The following ZNG1E variants were observed in gnomAD, a reference collection of about 807,000 sequenced individuals.
ZNG1E encodes the protein zinc-regulated GTPase metalloprotein activator 1E.
chr9:65,666,239 G>A, the ZNG1E span, among the ~76,000 whole-genome samples: 11,009 of 149,400 alleles, frequency 0.074, 18 homozygotes, highest in African/African-American at 0.092. Context: ...GGAGGGACCC[G>A]GTGGGAGGTA....
the ZNG1E span, among the ~76,000 whole-genome samples, chr9:65,700,009 G>T: frequency 6.6e-6 from 1 of 151,042 alleles, no homozygotes. Context: ...TTGCAAATGG[G>T]TAATGTGAAA....
chr9:65,689,451 A>AG, the ZNG1E span, among the ~76,000 whole-genome samples: 1 of 134,214 alleles, frequency 7.5e-6, no homozygotes, highest in East Asian at 2.0e-4. Context: ...TTCCCTGGGG[A>AG]GAAAAGCACC....
the ZNG1E span, among the ~76,000 whole-genome samples, chr9:65,661,803 T>G: frequency 2.0e-5 from 3 of 152,332 alleles, no homozygotes; most frequent in African/African-American, 7.2e-5. Context: ...TTTGGGATGG[T>G]GAAAGTGTTC....
the ZNG1E span, among the ~76,000 whole-genome samples, chr9:65,667,007 G>C: frequency 1.3e-5 from 2 of 152,070 alleles, no homozygotes; most frequent in South Asian, 4.1e-4. Flanking sequence ...TATTAGTAGG[G>C]ACACGGTTTC....
At chr9:65,684,550 GCA>G in the ZNG1E span, among the ~76,000 whole-genome samples, 19 of 132,770 alleles carry the variant, frequency 1.4e-4, no homozygotes, top group East Asian at 4.7e-4. Flanking sequence ...ACACACGCAC[GCA>G]CACACACACA....
chr9:65,715,155 A>C, the ZNG1E span, among the ~76,000 whole-genome samples: 3 of 148,460 alleles, frequency 2.0e-5, no homozygotes, highest in Non-Finnish European at 4.4e-5. Flanking sequence ...GGAGTGACCC[A>C]ATCTTCCAGG....
the ZNG1E span, among the ~76,000 whole-genome samples, chr9:65,661,891 G>A: frequency 6.6e-6 from 1 of 152,274 alleles, no homozygotes; most frequent in Non-Finnish European, 1.5e-5. Flanking sequence ...TTAAATGAGT[G>A]GCTAAGTTGT....
At chr9:65,688,002 C>T in the ZNG1E span, among the ~76,000 whole-genome samples, 4 of 151,090 alleles carry the variant, frequency 2.6e-5, no homozygotes, top group Non-Finnish European at 2.9e-5. Flanking sequence ...CTTCATGACA[C>T]CAGTTTTTTT....
At chr9:65,703,617 G>A in the ZNG1E span, 2 of 627,002 alleles carry the variant, frequency 3.2e-6, no homozygotes, top group Non-Finnish European at 3.7e-6. Context: ...TTTTTTTTGT[G>A]GTGAGAAAGG....
the ZNG1E span, among the ~76,000 whole-genome samples, chr9:65,727,422 A>G: frequency 2.2e-4 from 30 of 138,690 alleles, 2 homozygotes; most frequent in Non-Finnish European, 4.0e-4. Flanking sequence ...TTGAATATAA[A>G]TGGCCTAAAT....
chr9:65,686,857 TCAGC>T, the ZNG1E span, among the ~76,000 whole-genome samples: 2 of 152,270 alleles, frequency 1.3e-5, no homozygotes, highest in Non-Finnish European at 2.9e-5. Context: ...CTCACCTCTC[TCAGC>T]CTTCACAGAA....
the ZNG1E span, among the ~76,000 whole-genome samples, chr9:65,673,782 G>T: frequency 6.6e-6 from 1 of 152,298 alleles, no homozygotes; most frequent in South Asian, 2.1e-4. Flanking sequence ...TCCCTGCTGG[G>T]CGACAGAGTG....
At chr9:65,727,158 C>A in the ZNG1E span, among the ~76,000 whole-genome samples, 9 of 136,418 alleles carry the variant, frequency 6.6e-5, 1 homozygote, top group East Asian at 1.8e-3. Flanking sequence ...TATATGAAGG[C>A]AAGATACAGC....
the ZNG1E span, among the ~76,000 whole-genome samples, chr9:65,686,887 G>A: frequency 6.6e-6 from 1 of 152,366 alleles, no homozygotes; most frequent in Non-Finnish European, 1.5e-5. Flanking sequence ...GAGAGTTAGG[G>A]TTGCTCTGAA....
chr9:65,725,521 CCTT>C, the ZNG1E span, among the ~76,000 whole-genome samples: 1 of 129,022 alleles, frequency 7.8e-6, no homozygotes, highest in Non-Finnish European at 1.6e-5. Flanking sequence ...CAATATTTGT[CCTT>C]CTGTGACTGG....
the ZNG1E span, among the ~76,000 whole-genome samples, chr9:65,711,037 G>C: frequency 3.1e-4 from 44 of 142,708 alleles, 1 homozygote; most frequent in African/African-American, 1.1e-3. Flanking sequence ...TCCTTGAGAA[G>C]TGGTTTGTAG....
the ZNG1E span, among the ~76,000 whole-genome samples, chr9:65,680,624 T>C: frequency 1.3e-5 from 2 of 152,254 alleles, no homozygotes; most frequent in African/African-American, 4.8e-5. Flanking sequence ...TTATGGGAGC[T>C]CATTTGCTTA....
At chr9:65,687,533 C>T in the ZNG1E span, among the ~76,000 whole-genome samples, 1 of 152,256 alleles carries the variant, frequency 6.6e-6, no homozygotes, top group South Asian at 2.1e-4. Flanking sequence ...TCCATAATCT[C>T]CTAGTGTTTG....
At chr9:65,676,926 A>G in the ZNG1E span, among the ~76,000 whole-genome samples, 1 of 145,266 alleles carries the variant, frequency 6.9e-6, no homozygotes, top group Non-Finnish European at 1.5e-5. Flanking sequence ...AAATGTAAAT[A>G]AAATAATACT....
Sources: gnomAD v4.1 joint callset for allele counts (sites outside exome capture counted in the v4.1 genomes callset) on GRCh38, gnomAD v4.1.1 for gene constraint, MANE v1.5 for transcripts, NCBI Gene and HGNC (gene_info 2026-07-23, HGNC 2026-07-21) for gene names.